RIPOR3: variants seen among roughly 807,000 people sequenced by gnomAD.
RIPOR3 encodes RIPOR family member 3.
RIPOR3 carries 95 observed loss-of-function variants against 114.3 expected under a neutral mutation model. The observed-to-expected ratio is 0.83, with a 90% CI of 0.70 to 0.99. The LOEUF is 0.99. RIPOR3 is among the 50% of genes least tolerant of loss of function. RIPOR3 has a pLI of 0.00. For synonymous variants in RIPOR3, 575 were observed against 543.8 expected, an observed-to-expected ratio of 1.06 and a Z score of -0.80; for missense variants, 1,252 against 1,266.9, an observed-to-expected ratio of 0.99 and a Z score of 0.18.
intron 1 of RIPOR3, among the ~76,000 whole-genome samples, chr20:50,633,127 T>G (rs1263918239): frequency 6.6e-6 from 1 of 152,116 alleles, no homozygotes; most frequent in Admixed American, 6.5e-5. Context: ...CCAGGCTTGG[T>G]GGCAGGCGCC....
chr20:50,655,524 C>T (rs1600697082), intron 1 of RIPOR3, among the ~76,000 whole-genome samples: 1 of 152,154 alleles, frequency 6.6e-6, no homozygotes, highest in Non-Finnish European at 1.5e-5. Context: ...TTAAGATCGC[C>T]GACTTAAGCC....
chr20:50,636,399 G>A (rs1443264079), intron 1 of RIPOR3, among the ~76,000 whole-genome samples: 2 of 152,190 alleles, frequency 1.3e-5, no homozygotes, highest in African/African-American at 2.4e-5. Context: ...TAACCCTTTA[G>A]CTACTGGATT....
chr20:50,590,883 C>T (rs1431873278), intron 19 of RIPOR3, among the ~76,000 whole-genome samples: 2 of 150,620 alleles, frequency 1.3e-5, no homozygotes, highest in Admixed American at 6.6e-5. Context: ...AGCACAATCT[C>T]GGCTCCCTGC....
chr20:50,687,594 G>A (rs149867333), intron 1 of RIPOR3, among the ~76,000 whole-genome samples: 6 of 152,266 alleles, frequency 3.9e-5, no homozygotes, highest in Non-Finnish European at 7.4e-5. Flanking sequence ...CATATACTTC[G>A]GTTTATTATA....
At chr20:50,688,800 A>G (rs6020695) in intron 1 of RIPOR3, among the ~76,000 whole-genome samples, 101,981 of 152,036 alleles carry the variant, frequency 0.67, 35,505 homozygotes, top group Non-Finnish European at 0.75. Flanking sequence ...AAGAGGAAGC[A>G]GGAAGGATGA....
chr20:50,663,700 C>G (rs2086086349), intron 1 of RIPOR3, among the ~76,000 whole-genome samples: 1 of 152,090 alleles, frequency 6.6e-6, no homozygotes, highest in Non-Finnish European at 1.5e-5. Context: ...CAAGACTGAG[C>G]TGGCAGAATA....
chr20:50,671,444 A>C (rs1600739146), intron 1 of RIPOR3, among the ~76,000 whole-genome samples: 1 of 152,084 alleles, frequency 6.6e-6, no homozygotes, highest in Non-Finnish European at 1.5e-5. Flanking sequence ...ACACACACAC[A>C]CACACACACA....
chr20:50,604,588 G>C (rs993298442), intron 12 of RIPOR3, 57 bp downstream of exon 12: 3 of 1,545,620 alleles, frequency 1.9e-6, no homozygotes, highest in Non-Finnish European at 2.6e-6. Context: ...CAGCTCCTGC[G>C]TGCTGCCCCC....
At chr20:50,663,054 A>AAG (rs2086051871) in intron 1 of RIPOR3, among the ~76,000 whole-genome samples, 2 of 146,690 alleles carry the variant, frequency 1.4e-5, no homozygotes, top group Non-Finnish European at 3.0e-5. Flanking sequence ...CCAAGATCTC[A>AAG]CCACTGTACT....
chr20:50,667,396 T>TG (rs1016937688), intron 1 of RIPOR3, among the ~76,000 whole-genome samples: 14 of 146,660 alleles, frequency 9.5e-5, no homozygotes, highest in Non-Finnish European at 2.1e-4. Flanking sequence ...TGGGTTCAAG[T>TG]GATTCTCCTG....
Position 50,593,715 on chromosome 20 carries a change from T to C in RIPOR3, c.2213-519A>G, listed in dbSNP as rs374211800. 2.0e-4 allele frequency among the ~76,000 whole-genome samples: 30 copies of C among 152,270 alleles called. 2 individuals carry two copies. In the South Asian group the frequency reaches 3.3e-3, roughly 17 times the overall value. On this transcript the variant is annotated intron_variant, in intron 17 of 21. Transcript: ENST00000327979. Reference sequence around the variant, plus strand: ...TCAGACCGTGTTGGGTTCATCCCCATGCCCTGGGCCCCACACCACACCTGG... The same window carrying C: ...TCAGACCGTGTTGGGTTCATCCCCACGCCCTGGGCCCCACACCACACCTGG...
intron 1 of RIPOR3, among the ~76,000 whole-genome samples, chr20:50,652,891 A>G (rs971400606): frequency 2.6e-5 from 4 of 152,188 alleles, no homozygotes; most frequent in Non-Finnish European, 5.9e-5. Flanking sequence ...CAGTTCCTCA[A>G]ATGGTTAAGT....
At chr20:50,649,816 AT>A (rs1253313673) in intron 1 of RIPOR3, among the ~76,000 whole-genome samples, 1 of 152,154 alleles carries the variant, frequency 6.6e-6, no homozygotes, top group Non-Finnish European at 1.5e-5. Flanking sequence ...AAGGACGGTA[AT>A]GAGGTTTGAG....
chr20:50,632,921 C>T (rs764681909), intron 1 of RIPOR3, among the ~76,000 whole-genome samples: 11 of 152,174 alleles, frequency 7.2e-5, no homozygotes, highest in African/African-American at 9.7e-5. Context: ...TAAAGAGGTC[C>T]CCTACAGTCC....
chr20:50,648,987 AAAG>A (rs571284293), intron 1 of RIPOR3, among the ~76,000 whole-genome samples: 70 of 152,280 alleles, frequency 4.6e-4, no homozygotes, highest in Non-Finnish European at 9.1e-4. Context: ...AGGATCTAGG[AAAG>A]AATCCTTCCT....
chr20:50,600,032 C>T (rs1049523950), intron 13 of RIPOR3, among the ~76,000 whole-genome samples: 4 of 152,134 alleles, frequency 2.6e-5, no homozygotes, highest in African/African-American at 9.7e-5. Context: ...TCCCAAGTAG[C>T]TGGGACTACA....
chr20:50,621,014 A>C lies in RIPOR3; in HGVS notation c.123-882T>G, dbSNP rs571809916. ...GGGGACACACATCCACGCCAAGAGG[A>C]AGCAGGAGGAGCCGAGCCAATGTCC... On this transcript the variant is annotated intron_variant, in intron 2 of 21. Transcript: ENST00000327979. 29 of 491,606 alleles carry C rather than the reference A, an allele frequency of 5.9e-5. No homozygotes were observed. The East Asian group carries it at 1.1e-3, about 18-fold the overall frequency. The allele number at this position is 491,606 out of a possible 1,614,324, so 30.5% of individuals were successfully genotyped here. A position where few individuals can be genotyped will look rare whatever the true frequency, so the allele number is the denominator to read the frequency against.
chr20:50,670,235 C>A (rs1451677550), intron 1 of RIPOR3, among the ~76,000 whole-genome samples: 1 of 152,000 alleles, frequency 6.6e-6, no homozygotes, highest in African/African-American at 2.4e-5. Flanking sequence ...GGCGGAGGCC[C>A]AGAGCATGAG....
intron 1 of RIPOR3, among the ~76,000 whole-genome samples, chr20:50,640,512 C>A (rs1447895338): frequency 6.7e-6 from 1 of 148,432 alleles, no homozygotes; most frequent in Non-Finnish European, 1.5e-5. Flanking sequence ...TAGCTCCATG[C>A]GGGGAGGATG....
Sources: allele counts gnomAD v4.1 joint callset (sites outside exome capture counted in the v4.1 genomes callset), GRCh38; gene constraint gnomAD v4.1.1; transcripts MANE v1.5; gene names NCBI Gene and HGNC (gene_info 2026-07-23, HGNC 2026-07-21).